The following CREB5 variants were observed in gnomAD, a reference collection of about 807,000 sequenced individuals.
The protein encoded by CREB5 is cyclic AMP-responsive element-binding protein 5.
In CREB5, 19 loss-of-function variants were observed where a neutral mutation model predicts 57.1. The ratio of observed to expected loss-of-function variants is 0.33; its 90% CI spans 0.23 to 0.49. The LOEUF is 0.49. Ranked by LOEUF, CREB5 falls within the 20% of genes least tolerant of loss-of-function variation. CREB5 has a pLI of 0.99. For missense variants in CREB5, 579 were observed against 671.6 expected (o/e 0.86, Z 1.52); for synonymous variants, 238 against 238.3 (o/e 1.00, Z 0.01).
chr7:28,712,223 A>G (rs1402210683), intron 5 of CREB5, among the ~76,000 whole-genome samples: 3 of 151,972 alleles, frequency 2.0e-5, no homozygotes, highest in South Asian at 2.1e-4. Flanking sequence ...TATTCTAACA[A>G]TTTTCTTTCT....
chr7:28,637,432 A>G (rs1798468023), intron 5 of CREB5, among the ~76,000 whole-genome samples: 1 of 152,212 alleles, frequency 6.6e-6, no homozygotes, highest in South Asian at 2.1e-4. Flanking sequence ...GCTGATAAAA[A>G]ACAAGATACA....
chr7:28,803,061 GAA>G (rs1318262246), intron 7 of CREB5, among the ~76,000 whole-genome samples: 1 of 152,184 alleles, frequency 6.6e-6, no homozygotes, highest in Non-Finnish European at 1.5e-5. Flanking sequence ...ACTCTTTATA[GAA>G]AAAGTTTGCT....
chr7:28,663,031 G>A lies in CREB5; in HGVS notation c.465-55722G>A, dbSNP rs191629346. On this transcript the variant is annotated intron_variant, in intron 5 of 10. Coordinates refer to ENST00000357727, the MANE Select transcript of CREB5 (RefSeq NM_182898.4). Reference sequence around the variant, plus strand: ...GTGGTGATGGGTGCCTGTAATCCCAGCTACTCTGGAGGCTGAGGTAGGAGA... The same window carrying A: ...GTGGTGATGGGTGCCTGTAATCCCAACTACTCTGGAGGCTGAGGTAGGAGA... 5.0e-3 allele frequency among the ~76,000 whole-genome samples: 758 copies of A among 151,782 alleles called. 10 individuals carry two copies. The highest frequency in any genetic ancestry group is 0.018 in the African/African-American group (730 of 41,426).
chr7:28,672,983 C>A (rs954758595), intron 5 of CREB5, among the ~76,000 whole-genome samples: 1 of 152,042 alleles, frequency 6.6e-6, no homozygotes, highest in Non-Finnish European at 1.5e-5. Flanking sequence ...GTCCCCTGGA[C>A]CCCAGAAACC....
At chr7:28,753,184 G>T (rs1805084023) in intron 7 of CREB5, among the ~76,000 whole-genome samples, 1 of 152,082 alleles carries the variant, frequency 6.6e-6, no homozygotes. Context: ...AAGTATTAAG[G>T]AAATGATTTG....
chr7:28,532,068 A>G (rs2128622421), intron 4 of CREB5, among the ~76,000 whole-genome samples: 1 of 152,304 alleles, frequency 6.6e-6, no homozygotes, highest in South Asian at 2.1e-4. Context: ...TTGTCAGTGG[A>G]AAATTATTAC....
intron 7 of CREB5, among the ~76,000 whole-genome samples, chr7:28,796,628 A>C (rs777526533): frequency 3.3e-5 from 5 of 152,108 alleles, no homozygotes; most frequent in Non-Finnish European, 5.9e-5. Flanking sequence ...TCTCACTCTA[A>C]GTCTTCTGTT....
In CREB5 at chr7:28,574,828, C is replaced by T. The variant is rs192932796; in HGVS notation, c.464+4291C>T. ...CAGAATGCATATATGAAGACATTTACGTAAAAAAACCCTCCCTGATTTTAC... is the reference window on the plus strand; with the variant it reads ...CAGAATGCATATATGAAGACATTTATGTAAAAAAACCCTCCCTGATTTTAC... On this transcript the variant is annotated intron_variant, in intron 5 of 10. Coordinates refer to ENST00000357727, the MANE Select transcript of CREB5 (RefSeq NM_182898.4). 3.3e-4 allele frequency among the ~76,000 whole-genome samples: 50 copies of T among 152,222 alleles called. 1 individual carries two copies. In the East Asian group the frequency reaches 7.5e-3, roughly 23 times the overall value.
intron 7 of CREB5, among the ~76,000 whole-genome samples, chr7:28,763,579 C>T (rs1190971928): frequency 3.3e-5 from 5 of 152,138 alleles, no homozygotes; most frequent in Admixed American, 6.6e-5. Context: ...CAACATATAA[C>T]GTTTCCTCTG....
In CREB5 at chr7:28,823,587, T is replaced by A. The variant is rs1215099494; in HGVS notation, c.*4308T>A. ...AATCAACATTCTGAACAGTTTTTTT[T>A]AAACATTTATTTCTGTGTGTTCATT... On this transcript the variant is annotated 3_prime_UTR_variant, in exon 11 of 11. Coordinates refer to ENST00000357727, the MANE Select transcript of CREB5 (RefSeq NM_182898.4). 2 of 152,566 alleles carry A rather than the reference T, an allele frequency of 1.3e-5. No individual in the cohort carries two copies. The highest frequency in any genetic ancestry group is 2.9e-5 in the Non-Finnish European group (2 of 68,042). The allele number at this position is 152,566 out of a possible 1,614,324, so 9.5% of individuals were successfully genotyped here.
At chr7:28,605,954 T>A (rs534296780) in intron 5 of CREB5, among the ~76,000 whole-genome samples, 1 of 152,318 alleles carries the variant, frequency 6.6e-6, no homozygotes, top group South Asian at 2.1e-4. Context: ...GGTGGTTTCA[T>A]GGGCGTATAC....
At position 28,517,476 on chromosome 7, in the gene CREB5, A is replaced by G. The variant is rs11972035; in HGVS notation, c.291+9739A>G. On this transcript the variant is annotated intron_variant, in intron 4 of 10. Transcript: ENST00000357727. ...TGGTACGATGACTGATTTTAGTATC[A>G]GAACCATGCAGGGCCATTTCCCTTG... Among the ~76,000 whole-genome samples, 976 of 152,318 alleles carry G rather than the reference A, an allele frequency of 6.4e-3. 13 individuals are homozygous for G. The highest frequency in any genetic ancestry group is 0.022 in the African/African-American group (925 of 41,560).
At chr7:28,817,852 C>G (rs1169292712) in intron 9 of CREB5, among the ~76,000 whole-genome samples, 1 of 152,150 alleles carries the variant, frequency 6.6e-6, no homozygotes, top group Non-Finnish European at 1.5e-5. Context: ...AGGTTCAGCT[C>G]TTGAGTTAAA....
chr7:28,356,402 A>G (rs908111920), intron 1 of CREB5, among the ~76,000 whole-genome samples: 13 of 152,154 alleles, frequency 8.5e-5, no homozygotes, highest in African/African-American at 2.7e-4. Context: ...AATAGGTTTT[A>G]TTTTTACAAC....
intron 4 of CREB5, among the ~76,000 whole-genome samples, chr7:28,564,923 C>G (rs1795421072): frequency 6.7e-6 from 1 of 148,772 alleles, no homozygotes; most frequent in South Asian, 2.1e-4. Context: ...TAAAATATAA[C>G]ATAGGAAGAG....
intron 7 of CREB5, among the ~76,000 whole-genome samples, chr7:28,794,185 C>CT (rs1807892641): frequency 6.6e-6 from 1 of 152,160 alleles, no homozygotes; most frequent in Non-Finnish European, 1.5e-5. Flanking sequence ...CAAGGGATTA[C>CT]TTTTTTCCAA....
upstream of CREB5, chr7:28,410,337 G>C (rs1469391573): frequency 2.2e-6 from 1 of 456,686 alleles, no homozygotes; most frequent in Admixed American, 2.3e-5. Context: ...TGACAGCTCC[G>C]GCTCGAGCTT....
intron 1 of CREB5, among the ~76,000 whole-genome samples, chr7:28,312,796 A>G (rs1029032844): frequency 3.2e-4 from 49 of 152,222 alleles, no homozygotes; most frequent in African/African-American, 1.0e-3. Context: ...GTCAGAGTTT[A>G]TAACAATTGC....
Position 28,617,991 on chromosome 7 carries a change from CTT to C in CREB5, c.464+47456_464+47457del, listed in dbSNP as rs149540052. 5.3e-3 allele frequency among the ~76,000 whole-genome samples: 802 copies of C among 152,188 alleles called. 8 individuals are homozygous for C. Among genetic ancestry groups the C allele is most frequent in the African/African-American group, 0.018 (766 of 41,526 alleles). ...ATAACTGATTATGAAATGAGGCAAA[CTT>C]TGAAAGCGCTGCATTAAAGGTACAC... On this transcript the variant is annotated intron_variant, in intron 5 of 10. Transcript: ENST00000357727.
Sources: gnomAD v4.1 joint callset for allele counts (sites outside exome capture counted in the v4.1 genomes callset) on GRCh38, gnomAD v4.1.1 for gene constraint, MANE v1.5 for transcripts, NCBI Gene and HGNC (gene_info 2026-07-23, HGNC 2026-07-21) for gene names.